COL5A2: variants seen among roughly 807,000 people sequenced by gnomAD.
The protein encoded by COL5A2 is collagen alpha-2(V) chain.
COL5A2 carries 23 observed loss-of-function variants against 208.2 expected under a neutral mutation model. That is an observed-to-expected ratio of 0.11 (90% confidence interval 0.08 to 0.16). COL5A2 has a LOEUF of 0.16. COL5A2 is among the 10% of genes least tolerant of loss of function. The pLI is 1.00. For missense variants in COL5A2, 1,590 were observed against 1,956.4 expected (o/e 0.81, Z 3.53); for synonymous variants, 625 against 628.5 (o/e 0.99, Z 0.08).
chr2:189,118,317 T>C (rs1687436073), intron 1 of COL5A2, among the ~76,000 whole-genome samples: 1 of 152,066 alleles, frequency 6.6e-6, no homozygotes, highest in Non-Finnish European at 1.5e-5. Context: ...CATTATTGTA[T>C]ACTCAATGAG....
At chr2:189,245,888 C>A in the COL5A2 span, among the ~76,000 whole-genome samples, 1 of 152,124 alleles carries the variant, frequency 6.6e-6, no homozygotes, top group African/African-American at 2.4e-5. Context: ...TTTAGTACAA[C>A]TCTTCTGGCT....
At chr2:189,130,847 T>C (rs1358134024) in intron 1 of COL5A2, among the ~76,000 whole-genome samples, 1 of 152,120 alleles carries the variant, frequency 6.6e-6, no homozygotes, top group Non-Finnish European at 1.5e-5. Flanking sequence ...TTTTATTTAT[T>C]CAACACATTA....
chr2:189,230,105 G>A (rs1689461965), upstream of COL5A2, among the ~76,000 whole-genome samples: 1 of 151,718 alleles, frequency 6.6e-6, no homozygotes, highest in South Asian at 2.1e-4. Context: ...TGTTTAACAA[G>A]TTATGTTGAA....
chr2:189,203,731 A>G (rs1175582096), intron 1 of COL5A2, among the ~76,000 whole-genome samples: 2 of 152,278 alleles, frequency 1.3e-5, no homozygotes, highest in Non-Finnish European at 2.9e-5. Context: ...CCTAAAAGAG[A>G]CTTAATTAAA....
chr2:189,098,400 A>G (rs543181072), intron 5 of COL5A2, among the ~76,000 whole-genome samples: 1 of 152,380 alleles, frequency 6.6e-6, no homozygotes, highest in Admixed American at 6.5e-5. Context: ...CATTAATCAT[A>G]GTCAAACAAC....
the COL5A2 span, among the ~76,000 whole-genome samples, chr2:189,425,698 T>C: frequency 1.3e-5 from 2 of 152,148 alleles, no homozygotes; most frequent in Admixed American, 6.5e-5. Flanking sequence ...TTGTGGAAGG[T>C]GCTTGAATCA....
chr2:189,201,306 A>G (rs1689065205), intron 1 of COL5A2, among the ~76,000 whole-genome samples: 1 of 152,034 alleles, frequency 6.6e-6, no homozygotes, highest in African/African-American at 2.4e-5. Flanking sequence ...GGTTTTAATA[A>G]TAAGTCCATG....
intron 47 of COL5A2, among the ~76,000 whole-genome samples, chr2:189,043,625 G>A (rs1685605382): frequency 6.6e-6 from 1 of 151,862 alleles, no homozygotes; most frequent in South Asian, 2.1e-4. Flanking sequence ...TAAAAATATT[G>A]CTACCATATA....
At chr2:189,327,108 A>T in the COL5A2 span, among the ~76,000 whole-genome samples, 3 of 151,382 alleles carry the variant, frequency 2.0e-5, no homozygotes, top group Non-Finnish European at 4.4e-5. Context: ...AATAAAAAAT[A>T]ATGAAAAAAT....
intron 31 of COL5A2, among the ~76,000 whole-genome samples, chr2:189,059,133 T>C (rs1386029758): frequency 6.6e-6 from 1 of 152,174 alleles, no homozygotes; most frequent in Non-Finnish European, 1.5e-5. Context: ...TTTTTGGCAA[T>C]GAGAACATGC....
chr2:189,402,502 G>A, the COL5A2 span, among the ~76,000 whole-genome samples: 4 of 152,238 alleles, frequency 2.6e-5, no homozygotes, highest in Admixed American at 1.3e-4. Flanking sequence ...ACAGGCATGA[G>A]CCACTGTGCC....
intron 1 of COL5A2, among the ~76,000 whole-genome samples, chr2:189,150,410 G>A (rs575711165): frequency 5.3e-5 from 8 of 152,232 alleles, no homozygotes; most frequent in Admixed American, 1.3e-4. Context: ...AAGTCCTTAG[G>A]ACACAGTGCT....
the COL5A2 span, among the ~76,000 whole-genome samples, chr2:189,416,036 T>A: frequency 6.6e-6 from 1 of 152,170 alleles, no homozygotes; most frequent in African/African-American, 2.4e-5. Context: ...TAATACTGAT[T>A]TATTGTTAAA....
intron 8 of COL5A2, among the ~76,000 whole-genome samples, chr2:189,087,842 TA>T (rs61206173): frequency 6.6e-6 from 1 of 150,644 alleles, no homozygotes; most frequent in African/African-American, 2.4e-5. Flanking sequence ...AAGCTCCATT[TA>T]AAAAAAACCA....
chr2:189,158,710 C>A (rs1038783153), intron 1 of COL5A2, among the ~76,000 whole-genome samples: 11 of 152,006 alleles, frequency 7.2e-5, no homozygotes, highest in Non-Finnish European at 1.2e-4. Flanking sequence ...ATCTCTGATA[C>A]CTTCCATAAC....
the COL5A2 span, among the ~76,000 whole-genome samples, chr2:189,304,415 A>C: frequency 1.3e-5 from 2 of 152,236 alleles, no homozygotes; most frequent in Admixed American, 1.3e-4. Flanking sequence ...TTTATAAAGA[A>C]AAGAGGTTTA....
In COL5A2 at chr2:189,068,253, A is replaced by G. The variant is rs767089735; in HGVS notation, c.1275T>C (p.Asp425=). Residue 425 remains aspartate (D), a synonymous_variant, in exon 20 of 54, where the codon GAT becomes GAC. Transcript: ENST00000374866. ...TTGGGCCTTTGGCACCAGGAGTACC[A>G]TCAGTTCCTATTGCACCCTAAAAGG... ...SPGLPGAIGT[D]GTPGAKGPTG... is the part of the protein sequence containing the mutation. The G allele has an allele frequency of 1.9e-6, 3 of 1,613,564 alleles. No homozygotes were observed. Among genetic ancestry groups the G allele is most frequent in the South Asian group, 2.2e-5 (2 of 91,070 alleles).
the COL5A2 span, among the ~76,000 whole-genome samples, chr2:189,355,481 A>G: frequency 6.7e-6 from 1 of 149,772 alleles, no homozygotes; most frequent in African/African-American, 2.5e-5. Context: ...GGGTGCACAT[A>G]TACTTGGGAT....
At chr2:189,366,485 A>C in the COL5A2 span, among the ~76,000 whole-genome samples, 1 of 152,196 alleles carries the variant, frequency 6.6e-6, no homozygotes, top group South Asian at 2.1e-4. Context: ...TCTCACAACA[A>C]AAAATTATTT....
Sources: gnomAD v4.1 joint callset for allele counts (sites outside exome capture counted in the v4.1 genomes callset) on GRCh38, gnomAD v4.1.1 for gene constraint, MANE v1.5 for transcripts, NCBI Gene and HGNC (gene_info 2026-07-23, HGNC 2026-07-21) for gene names.